CSMD3: variants seen among roughly 807,000 people sequenced by gnomAD.
The protein encoded by CSMD3 is CUB and sushi domain-containing protein 3.
A neutral mutation model predicts 435.2 loss-of-function variants in CSMD3; 177 were observed. The observed-to-expected ratio is 0.41, with a 90% confidence interval of 0.36 to 0.46. CSMD3 has a LOEUF of 0.46. Among genes scored for constraint, CSMD3 ranks in the 20% least tolerant of loss-of-function variants. The pLI is 0.34. For missense variants in CSMD3, 4,265 were observed against 4,504.6 expected (o/e 0.95, Z 1.52); for synonymous variants, 1,656 against 1,520.5 (o/e 1.09, Z -2.07).
At position 112,820,177 on chromosome 8, in the gene CSMD3, T is replaced by A. The variant is rs867646245; in HGVS notation, c.1859+9509A>T. ...GAAGGGTATCATATGTACTTAATAA[T>A]GAGAACATTTAGAAGTCTGACAAAA... On this transcript the variant is annotated intron_variant, in intron 12 of 70. Coordinates refer to ENST00000297405, the MANE Select transcript of CSMD3 (RefSeq NM_198123.2). Among the ~76,000 whole-genome samples the A allele has an allele frequency of 2.0e-5, 3 of 152,168 alleles. No homozygotes were observed. The South Asian group carries it at 6.2e-4, about 31-fold the overall frequency.
chr8:112,759,597 G>C (rs551309406), intron 13 of CSMD3, among the ~76,000 whole-genome samples: 1 of 152,148 alleles, frequency 6.6e-6, no homozygotes, highest in Admixed American at 6.5e-5. Flanking sequence ...CTACTAAACA[G>C]CAATTGCATA....
intron 59 of CSMD3, among the ~76,000 whole-genome samples, chr8:112,276,992 C>A (rs1818117456): frequency 6.6e-6 from 1 of 152,042 alleles, no homozygotes; most frequent in Non-Finnish European, 1.5e-5. Flanking sequence ...CCTAGACCTC[C>A]AGGCCTGTGA....
intron 9 of CSMD3, among the ~76,000 whole-genome samples, chr8:112,934,945 T>C (rs1353471269): frequency 2.0e-5 from 3 of 152,148 alleles, no homozygotes. Context: ...TTTTTTTGCC[T>C]GTGCTTTTGG....
At chr8:112,617,025 T>G (rs1327600214) in intron 22 of CSMD3, among the ~76,000 whole-genome samples, 3 of 152,138 alleles carry the variant, frequency 2.0e-5, no homozygotes, top group Non-Finnish European at 4.4e-5. Context: ...CCCCAGAACA[T>G]TCTCTCAAGA....
At chr8:113,052,527 C>T (rs2088143409) in intron 5 of CSMD3, among the ~76,000 whole-genome samples, 1 of 152,148 alleles carries the variant, frequency 6.6e-6, no homozygotes, top group South Asian at 2.1e-4. Flanking sequence ...TGTCATGGCC[C>T]AGCACTTCGG....
rs182713190 is a variant in CSMD3 at position 113,164,099 on chromosome 8, A to G, written c.709+9623T>C. Among the ~76,000 whole-genome samples the G allele has an allele frequency of 8.7e-4, 132 of 152,158 alleles. 1 individual carries two copies. The highest frequency in any genetic ancestry group is 4.0e-4 in the Non-Finnish European group (27 of 67,924). ...CCAGATTTGTTTAGGGTGTAAGAAA[A>G]ATAAAAGCTAAATATAATGCTGATT... is the stretch of plus-strand genomic sequence containing the variant. On this transcript the variant is annotated intron_variant, in intron 4 of 70. Transcript: ENST00000297405.
chr8:112,444,870 A>T (rs1476575814), intron 32 of CSMD3, among the ~76,000 whole-genome samples: 1 of 152,216 alleles, frequency 6.6e-6, no homozygotes, highest in Admixed American at 6.5e-5. Context: ...CATGTAAATG[A>T]TATCTAAAAA....
intron 3 of CSMD3, among the ~76,000 whole-genome samples, chr8:113,230,914 T>C (rs933890080): frequency 4.0e-5 from 6 of 151,496 alleles, no homozygotes; most frequent in African/African-American, 1.4e-4. Flanking sequence ...AATATGCCCA[T>C]CACACTTGCC....
chr8:112,574,798 TAAC>T (rs1488867087), intron 23 of CSMD3, among the ~76,000 whole-genome samples: 2 of 151,902 alleles, frequency 1.3e-5, no homozygotes, highest in African/African-American at 4.8e-5. Context: ...AGGTGAACAA[TAAC>T]AACAAGAAAA....
chr8:113,192,139 A>C lies in CSMD3; in HGVS notation c.515-18223T>G, dbSNP rs141377200. On this transcript the variant is annotated intron_variant, in intron 3 of 70. Coordinates refer to ENST00000297405, the MANE Select transcript of CSMD3 (RefSeq NM_198123.2). The stretch of plus-strand genomic sequence containing the variant: ...AACTTCCTGAGAGATTTGGATATTC[A>C]ATTTTTTTCAGATTCATAGTTTGGA... Among the ~76,000 whole-genome samples the C allele has an allele frequency of 2.0e-5, 3 of 151,568 alleles. No individual in the cohort carries two copies. In the East Asian group the frequency reaches 5.9e-4, roughly 30 times the overall value.
At position 113,150,684 on chromosome 8, in the gene CSMD3, TTTC is replaced by T. The variant is rs1196452072; in HGVS notation, c.709+23035_709+23037del. On this transcript the variant is annotated intron_variant, in intron 4 of 70. Coordinates refer to ENST00000297405, the MANE Select transcript of CSMD3 (RefSeq NM_198123.2). ...AAATGAATATGGGAAAGGACAAGAT[TTTC>T]ATGTTTTATTCTTAATTGCTAATAA... 5.3e-5 allele frequency among the ~76,000 whole-genome samples: 8 copies of T among 152,160 alleles called. No individual in the cohort carries two copies. The South Asian group carries it at 1.7e-3, about 31-fold the overall frequency.
At chr8:112,783,078 T>A (rs918740060) in intron 13 of CSMD3, among the ~76,000 whole-genome samples, 1 of 152,068 alleles carries the variant, frequency 6.6e-6, no homozygotes, top group East Asian at 1.9e-4. Flanking sequence ...AAACTACTCA[T>A]GTTTTTAGTG....
chr8:112,439,964 C>A (rs973501592), intron 32 of CSMD3, among the ~76,000 whole-genome samples: 2 of 151,992 alleles, frequency 1.3e-5, no homozygotes, highest in African/African-American at 4.8e-5. Context: ...CTGACCCTGG[C>A]CCCTCCCAAA....
At chr8:113,104,460 G>A (rs1428786155) in intron 4 of CSMD3, among the ~76,000 whole-genome samples, 3 of 152,040 alleles carry the variant, frequency 2.0e-5, no homozygotes, top group African/African-American at 4.8e-5. Context: ...ATATGGAGCA[G>A]TAGTTAATTT....
chr8:112,944,843 T>C (rs1470914128), intron 9 of CSMD3, among the ~76,000 whole-genome samples: 1 of 151,600 alleles, frequency 6.6e-6, no homozygotes, highest in African/African-American at 2.4e-5. Flanking sequence ...GTCAAATAGA[T>C]ATTTGAGATG....
At chr8:112,373,788 G>A (rs78233961) in intron 38 of CSMD3, among the ~76,000 whole-genome samples, 3,877 of 152,162 alleles carry the variant, frequency 0.025, 162 homozygotes, top group African/African-American at 0.089. Context: ...ATTATTGGGC[G>A]GGCGGGAATC....
rs534889469 is a variant in CSMD3 at position 112,335,287 on chromosome 8, A to T, written c.7165+42T>A. On this transcript the variant is annotated intron_variant, in intron 45 of 70. Coordinates refer to ENST00000297405, the MANE Select transcript of CSMD3 (RefSeq NM_198123.2). ...CATTCACTTTTTTCCAGGACAAATT[A>T]AACAGTAGCAAATGAAATAGGAACT... 1.9e-6 allele frequency: 3 copies of T among 1,587,136 alleles called. 1 individual carries two copies. In the South Asian group the frequency reaches 3.3e-5, roughly 18 times the overall value.
intron 32 of CSMD3, among the ~76,000 whole-genome samples, chr8:112,440,368 T>A (rs1194464768): frequency 2.0e-5 from 3 of 152,150 alleles, no homozygotes; most frequent in Non-Finnish European, 4.4e-5. Context: ...CCTCTGTAGA[T>A]CTGCAGGGTA....
intron 64 of CSMD3, among the ~76,000 whole-genome samples, chr8:112,245,725 G>T (rs1196806143): frequency 6.6e-6 from 1 of 152,078 alleles, no homozygotes; most frequent in East Asian, 1.9e-4. Context: ...TTTTAATAGA[G>T]ATGGGTTTCG....
Sources: allele counts gnomAD v4.1 joint callset (sites outside exome capture counted in the v4.1 genomes callset), GRCh38; gene constraint gnomAD v4.1.1; transcripts MANE v1.5; gene names NCBI Gene and HGNC (gene_info 2026-07-23, HGNC 2026-07-21).